The following DNAH10 variants were observed in gnomAD, a reference collection of about 807,000 sequenced individuals.
The protein encoded by DNAH10 is dynein axonemal heavy chain 10.
Under a neutral mutation model 506.6 loss-of-function variants are expected in DNAH10, and 348 were observed. That is an observed-to-expected ratio of 0.69 (90% CI 0.63 to 0.75). DNAH10 has a LOEUF of 0.75. Among genes scored for constraint, DNAH10 ranks in the 30% least tolerant of loss-of-function variants. The pLI is 0.00. For synonymous variants in DNAH10, 2,059 were observed against 2,198.6 expected, an observed-to-expected ratio of 0.94 and a Z score of 1.78; for missense variants, 5,179 against 5,787.1, an observed-to-expected ratio of 0.89 and a Z score of 3.41.
intron 47 of DNAH10, among the ~76,000 whole-genome samples, chr12:123,876,309 T>C (rs576173687): frequency 3.9e-5 from 6 of 152,262 alleles, no homozygotes; most frequent in Admixed American, 1.3e-4. Context: ...TCATGTTGAC[T>C]TCACAGTTAA....
At chr12:123,790,187 T>C in intron 11 of DNAH10, 66 bp downstream of exon 11, 2 of 1,522,418 alleles carry the variant, frequency 1.3e-6, no homozygotes, top group Non-Finnish European at 1.8e-6. Context: ...GTTAAATTTG[T>C]TGGGTTATTT....
In DNAH10 at chr12:123,887,740, AT is replaced by A. The variant is rs559568562; in HGVS notation, c.8995+437del. ...GGAGTTTGAGACCCCGTCTTTACAAATTTTTTTTTTCTTTTTTTTTTTTAGA... is the reference window on the plus strand; with the variant it reads ...GGAGTTTGAGACCCCGTCTTTACAAATTTTTTTTTCTTTTTTTTTTTTAGA... On this transcript the variant is annotated intron_variant, in intron 52 of 78. Coordinates refer to ENST00000673944, the MANE Select transcript of DNAH10 (RefSeq NM_001372106.1). Among the ~76,000 whole-genome samples, 1,462 of 148,642 alleles carry A rather than the reference AT, an allele frequency of 9.8e-3. 24 individuals carry two copies. Among genetic ancestry groups the A allele is most frequent in the African/African-American group, 0.034 (1,357 of 40,342 alleles).
At chr12:123,799,777 T>G (rs1175680981) in intron 14 of DNAH10, among the ~76,000 whole-genome samples, 1 of 152,186 alleles carries the variant, frequency 6.6e-6, no homozygotes, top group Non-Finnish European at 1.5e-5. Flanking sequence ...GGCCCCGCAC[T>G]TGGTGAATGC....
Position 123,781,308 on chromosome 12 carries a change from T to G in DNAH10, c.841+9T>G. ...CATGCAGCAACTTGAAGGTAAGGTT[T>G]CATTTTCCTCCTTTTTAGTTAAGAA... On this transcript the variant is annotated intron_variant, in intron 6 of 78. Coordinates refer to ENST00000673944, the MANE Select transcript of DNAH10 (RefSeq NM_001372106.1). The G allele has an allele frequency of 6.2e-7, 1 of 1,605,298 alleles. No homozygotes were observed. The highest frequency in any genetic ancestry group is 1.1e-5 in the South Asian group (1 of 90,224).
At chr12:123,776,772 G>A (rs993466766) in intron 5 of DNAH10, among the ~76,000 whole-genome samples, 7 of 152,176 alleles carry the variant, frequency 4.6e-5, no homozygotes, top group African/African-American at 1.7e-4. Context: ...GGGGAACTCA[G>A]GGCATCCGTC....
At chr12:123,856,341 T>C (rs1298348918) in intron 36 of DNAH10, among the ~76,000 whole-genome samples, 3 of 150,284 alleles carry the variant, frequency 2.0e-5, no homozygotes, top group East Asian at 1.9e-4. Context: ...TCTATCTATC[T>C]ATCTATCTTT....
chr12:123,810,680 G>A (rs1192533338), intron 19 of DNAH10, among the ~76,000 whole-genome samples: 2 of 151,790 alleles, frequency 1.3e-5, no homozygotes, highest in Admixed American at 1.3e-4. Flanking sequence ...GCGACAGGGT[G>A]AGACTCCGTC....
chr12:123,791,776 G>T (rs1594036358), intron 11 of DNAH10, among the ~76,000 whole-genome samples: 1 of 151,954 alleles, frequency 6.6e-6, no homozygotes, highest in South Asian at 2.1e-4. Context: ...TCACTCTGTT[G>T]CCCAGGTTGG....
At position 123,853,047 on chromosome 12, in the gene DNAH10, C is replaced by T. The variant is rs112478040; in HGVS notation, c.6292-159C>T. ...CATATTTAAAAATGAAGGACCCACC[C>T]TGGTATTTCTGGAAGTTAGAGATGG... On this transcript the variant is annotated intron_variant, in intron 35 of 78. Coordinates refer to ENST00000673944, the MANE Select transcript of DNAH10 (RefSeq NM_001372106.1). This position sits in a 1 kb window ranked among gnomAD's most constrained non-coding sequence, Gnocchi z 4.7. 6.6e-6 allele frequency among the ~76,000 whole-genome samples: 1 copy of T among 152,140 alleles called. No individual in the cohort carries two copies. The highest frequency in any genetic ancestry group is 1.5e-5 in the Non-Finnish European group (1 of 68,030).
Position 123,903,046 on chromosome 12 carries a change from A to C in DNAH10, c.9748A>C (p.Met3250Leu). ...AEAETTLAEV[M>L]PILEAAKLEL... Reference sequence around the variant, plus strand: ...GGCCGAGACGACCCTGGCAGAGGTCATGCCCATCCTGGAGGCCGCCAAGCT... The same window carrying C: ...GGCCGAGACGACCCTGGCAGAGGTCCTGCCCATCCTGGAGGCCGCCAAGCT... The change falls in exon 57 of 79, where the codon ATG becomes CTG. Residue 3250 changes from methionine to leucine, a missense_variant. By Grantham distance (15) the Met-to-Leu change is conservative. Around this residue, in one of 3 missense-constraint regions of DNAH10, gnomAD observed 4,844 missense variants for 5,430.5 expected, o/e 0.89. Transcript: ENST00000673944. The surrounding 1 kb of genome is among the most constrained non-coding windows in gnomAD (Gnocchi z 4.6). The C allele has an allele frequency of 1.2e-6, 2 of 1,610,624 alleles. No homozygotes were observed. The highest frequency in any genetic ancestry group is 1.7e-6 in the Non-Finnish European group (2 of 1,178,468).
Position 123,801,452 on chromosome 12 carries a change from G to C in DNAH10, c.2614+20G>C, listed in dbSNP as rs922765249. On this transcript the variant is annotated intron_variant, in intron 16 of 78. Transcript: ENST00000673944. Reference sequence around the variant, plus strand: ...CACTAGGTAACGTCATTCATCTATTGATTGCCTTTTAGACTTGGGATGCAA... The same window carrying C: ...CACTAGGTAACGTCATTCATCTATTCATTGCCTTTTAGACTTGGGATGCAA... The C allele has an allele frequency of 1.9e-6, 3 of 1,605,990 alleles. No individual in the cohort carries two copies. In the African/African-American group the frequency reaches 4.0e-5, roughly 22 times the overall value.
Position 123,864,649 on chromosome 12 carries a change from T to A in DNAH10, c.6963T>A (p.Ser2321=). 6.2e-7 allele frequency: 1 copy of A among 1,614,030 alleles called. No individual in the cohort carries two copies. The highest frequency in any genetic ancestry group is 8.5e-7 in the Non-Finnish European group (1 of 1,179,880). ...CTCTATGGGTGGAAAACATGAATTC[T>A]GTGATGGATGACAACAGGTTGTTGA... ...VDALWVENMN[S]VMDDNRLLTL... The change falls in exon 40 of 79, where the codon TCT becomes TCA. Residue 2321 remains serine (S), a synonymous_variant. Transcript: ENST00000673944.
chr12:123,847,308 TTATCTATCTATC>T (rs71308008), intron 32 of DNAH10, among the ~76,000 whole-genome samples: 2,606 of 149,032 alleles, frequency 0.017, 50 homozygotes, highest in Admixed American at 0.055. Flanking sequence ...ATCATCTATT[TTATCTATCTATC>T]TATCTATCTA....
At chr12:123,867,119 A>G (rs10773045) in intron 41 of DNAH10, among the ~76,000 whole-genome samples, 76,080 of 151,612 alleles carry the variant, frequency 0.5, 19,276 homozygotes, top group Middle Eastern at 0.52. Context: ...TAGGGAGGGG[A>G]CCTTCACTGC....
chr12:123,865,203 C>T (rs900615844), intron 40 of DNAH10, among the ~76,000 whole-genome samples: 1 of 152,228 alleles, frequency 6.6e-6, no homozygotes, highest in African/African-American at 2.4e-5. Flanking sequence ...TTTCCTTTGT[C>T]TAGAGTTTGT....
At chr12:123,872,314 G>T (rs866518294) in intron 45 of DNAH10, among the ~76,000 whole-genome samples, 1 of 152,102 alleles carries the variant, frequency 6.6e-6, no homozygotes. Flanking sequence ...TGCAGGCAGT[G>T]GGGGGATAAA....
Position 123,924,345 on chromosome 12 carries a change from A to G in DNAH10, c.11679A>G (p.Glu3893=). 6.2e-7 allele frequency: 1 copy of G among 1,613,672 alleles called. No individual in the cohort carries two copies. Among genetic ancestry groups the G allele is most frequent in the Non-Finnish European group, 8.5e-7 (1 of 1,179,708 alleles). Residue 3893 remains glutamate (E), a synonymous_variant, in exon 67 of 79, where the codon GAA becomes GAG. Transcript: ENST00000673944. Reference sequence around the variant, plus strand: ...CTTGGTTGTCTGACCAAGGATGGGAAGATATCATTCTTTTATCAGAAATGT... The same window carrying G: ...CTTGGTTGTCTGACCAAGGATGGGAGGATATCATTCTTTTATCAGAAATGT... The part of the protein sequence containing the change: ...PCAWLSDQGW[E]DIILLSEMFS...
chr12:123,766,080 A>G (rs904568229), intron 1 of DNAH10, among the ~76,000 whole-genome samples: 3 of 138,290 alleles, frequency 2.2e-5, no homozygotes, highest in South Asian at 4.4e-4. Flanking sequence ...CTATACATCT[A>G]TCTATACATC....
Position 123,877,372 on chromosome 12 carries a change from C to T in DNAH10, c.8200-364C>T, listed in dbSNP as rs1250344966. On this transcript the variant is annotated intron_variant, in intron 47 of 78. Transcript: ENST00000673944. Reference sequence around the variant, plus strand: ...TGTCACCCAGGCTGGAGTGCAATGGCGTGATCTCGGTTCACTGCAACCTCC... The same window carrying T: ...TGTCACCCAGGCTGGAGTGCAATGGTGTGATCTCGGTTCACTGCAACCTCC... 3.3e-5 allele frequency among the ~76,000 whole-genome samples: 5 copies of T among 152,116 alleles called. No homozygotes were observed. The South Asian group carries it at 1.0e-3, about 32-fold the overall frequency.
Sources: allele counts gnomAD v4.1 joint callset (sites outside exome capture counted in the v4.1 genomes callset), GRCh38; gene constraint gnomAD v4.1.1; regional missense constraint gnomAD v4.1.1; non-coding constraint Gnocchi (gnomAD v3.1); transcripts MANE v1.5; gene names NCBI Gene and HGNC (gene_info 2026-07-23, HGNC 2026-07-21).